MCM3AP: variants seen among roughly 807,000 people sequenced by gnomAD.
The protein encoded by MCM3AP is germinal-center associated nuclear protein.
In MCM3AP, 126 loss-of-function variants were observed where a neutral mutation model predicts 184.1. The observed-to-expected ratio is 0.68, with a 90% CI of 0.59 to 0.79. The LOEUF is 0.79. Ranked by LOEUF, MCM3AP falls within the 30% of genes least tolerant of loss-of-function variation. The probability of loss-of-function intolerance (pLI) is 0.00; values close to 1 mark genes in which losing one functional copy is unlikely to be tolerated. For missense variants in MCM3AP, 2,496 were observed against 2,479.2 expected, an observed-to-expected ratio of 1.01 and a Z score of -0.14; for synonymous variants, 1,002 against 979.3, an observed-to-expected ratio of 1.02 and a Z score of -0.43.
intron 13 of MCM3AP, among the ~76,000 whole-genome samples, chr21:46,263,125 C>T (rs770893591): frequency 4.0e-5 from 6 of 151,248 alleles, no homozygotes; most frequent in Admixed American, 6.6e-5. Context: ...GTCAGGAGAT[C>T]GAGACCATCC....
chr21:46,240,640 C>A (rs930649545), intron 26 of MCM3AP, among the ~76,000 whole-genome samples, 171 bp downstream of exon 26: 1 of 152,244 alleles, frequency 6.6e-6, no homozygotes, highest in African/African-American at 2.4e-5. Flanking sequence ...ATCTAGGGCA[C>A]TGCTTCTGTC....
intron 20 of MCM3AP, among the ~76,000 whole-genome samples, chr21:46,248,883 C>CA (rs17176807): frequency 0.051 from 7,729 of 152,002 alleles, 593 homozygotes; most frequent in African/African-American, 0.17. Flanking sequence ...ATAAGAAACT[C>CA]AGAGGATCAA....
chr21:46,259,191 C>G, intron 15 of MCM3AP, 100 bp from the exon 16 acceptor site: 4 of 1,247,180 alleles, frequency 3.2e-6, no homozygotes, highest in Admixed American at 2.3e-5. Context: ...CGCGGTGGCT[C>G]ACGCCTGTAA....
chr21:46,260,779 A>G lies in MCM3AP; in HGVS notation c.3581+14T>C. 6.3e-7 allele frequency: 1 copy of G among 1,580,678 alleles called. No homozygotes were observed. The highest frequency in any genetic ancestry group is 2.2e-5 in the East Asian group (1 of 44,720). On this transcript the variant is annotated intron_variant, in intron 15 of 27. Coordinates refer to ENST00000291688, the MANE Select transcript of MCM3AP (RefSeq NM_003906.5). The stretch of plus-strand genomic sequence containing the variant: ...CACTCTCCTGGCACAGCAAGACACC[A>G]GCGTTTCACTTACTTCAACTCCTGG...
intron 6 of MCM3AP, among the ~76,000 whole-genome samples, chr21:46,274,938 CAAAAAA>C (rs35282554): frequency 3.0e-4 from 29 of 97,034 alleles, no homozygotes; most frequent in Non-Finnish European, 5.1e-4. Flanking sequence ...GACCCTGTCT[CAAAAAA>C]AAAAAAAAAA....
At chr21:46,242,996 A>G in intron 24 of MCM3AP, 65 bp from the exon 25 acceptor site, 5 of 1,411,218 alleles carry the variant, frequency 3.5e-6, no homozygotes, top group South Asian at 2.8e-5. Context: ...AAAAAAAAAA[A>G]AAACACACAC....
At chr21:46,280,257 G>A in intron 3 of MCM3AP, 120 bp from the exon 4 acceptor site, 8 of 1,175,492 alleles carry the variant, frequency 6.8e-6, no homozygotes, top group Non-Finnish European at 9.9e-6. Context: ...TTAGAGAAGA[G>A]CCCAAGGAAA....
At chr21:46,281,960 T>G (rs1275820484) in intron 2 of MCM3AP, among the ~76,000 whole-genome samples, 3 of 151,998 alleles carry the variant, frequency 2.0e-5, no homozygotes, top group Non-Finnish European at 4.4e-5. Flanking sequence ...ATTGCGCCAC[T>G]ACAATACAGG....
At chr21:46,267,225 C>A in intron 9 of MCM3AP, 83 bp from the exon 10 acceptor site, 1 of 1,358,154 alleles carries the variant, frequency 7.4e-7, no homozygotes, top group Non-Finnish European at 1.0e-6. Flanking sequence ...ACAGCCATGG[C>A]CAGCGTGGGG....
At chr21:46,260,077 A>C (rs978988609) in intron 15 of MCM3AP, among the ~76,000 whole-genome samples, 5 of 146,200 alleles carry the variant, frequency 3.4e-5, no homozygotes, top group African/African-American at 1.2e-4. Context: ...CTCCGTCTTT[A>C]AAAAAAAAAA....
At position 46,265,970 on chromosome 21, in the gene MCM3AP, C is replaced by A; in HGVS notation, c.2986G>T (p.Ala996Ser). ...CTCTGGGTGCTGACGGGCAGCTCCG[C>A]GGCCAGGCTCTCCCCGATGTACTTG... Reference protein sequence around the residue: ...QNKYIGESLAAELPVSTQRPG... With the variant: ...QNKYIGESLASELPVSTQRPG... The change falls in exon 11 of 28, where the codon GCG becomes TCG. Residue 996 changes from alanine (A) to serine (S), a missense_variant. Coordinates refer to ENST00000291688, the MANE Select transcript of MCM3AP (RefSeq NM_003906.5). 6.2e-7 allele frequency: 1 copy of A among 1,601,490 alleles called. No homozygotes were observed. Among genetic ancestry groups the A allele is most frequent in the South Asian group, 1.1e-5 (1 of 87,664 alleles).
rs2080921176 is a variant in MCM3AP at position 46,254,665 on chromosome 21, G to A, written c.4001+111C>T. The A allele has an allele frequency of 7.1e-6, 10 of 1,415,378 alleles. No individual in the cohort carries two copies. In the Admixed American group the frequency reaches 1.6e-4, roughly 23 times the overall value. The allele number at this position is 1,415,378 out of a possible 1,614,324, so 87.7% of individuals were successfully genotyped here. A position where few individuals can be genotyped will look rare whatever the true frequency, so the allele number is the denominator to read the frequency against. On this transcript the variant is annotated intron_variant, in intron 18 of 27. Coordinates refer to ENST00000291688, the MANE Select transcript of MCM3AP (RefSeq NM_003906.5). ...GAACTGCAAACTAGAAACCAAGTCT[G>A]GAGCTCATCGAAGAGACCTCAGTTG... is the stretch of plus-strand genomic sequence containing the variant.
In MCM3AP at chr21:46,284,399, G is replaced by C; in HGVS notation, c.888C>G (p.Asp296Glu). The C allele has an allele frequency of 6.2e-7, 1 of 1,614,172 alleles. No individual in the cohort carries two copies. Among genetic ancestry groups the C allele is most frequent in the Non-Finnish European group, 8.5e-7 (1 of 1,180,046 alleles). ...SLMKGLKRKEDQDRSPRRHGH... is the reference protein window; with the variant it reads ...SLMKGLKRKEEQDRSPRRHGH... ...CATGTCTCCTTGGGGAGCGATCCTG[G>C]TCCTCCTTCCTTTTCAGTCCTTTCA... is the stretch of plus-strand genomic sequence containing the variant. Residue 296 changes from aspartate to glutamate, a missense_variant, in exon 1 of 28, where the codon GAC (aspartate) becomes GAG (glutamate). Physicochemically the swap from Asp to Glu is conservative, Grantham distance 45. Around this residue, in one of 5 missense-constraint regions of MCM3AP, gnomAD observed 800 missense variants for 717.1 expected, o/e 1.12. Transcript: ENST00000291688.
chr21:46,285,109 C>A lies in MCM3AP; in HGVS notation c.178G>T (p.Ala60Ser). 6.2e-7 allele frequency: 1 copy of A among 1,614,198 alleles called. No individual in the cohort carries two copies. The highest frequency in any genetic ancestry group is 8.5e-7 in the Non-Finnish European group (1 of 1,180,040). Reference sequence around the variant, plus strand: ...GAGGAATGACTTACTCCAGAAGACGCTGGAAAGCTGGATACCTGTGAAAAT... The same window carrying A: ...GAGGAATGACTTACTCCAGAAGACGATGGAAAGCTGGATACCTGTGAAAAT... ...SGFSQVSSFPASSGVSHSSSV... is the reference protein window; with the variant it reads ...SGFSQVSSFPSSSGVSHSSSV... Residue 60 changes from alanine (A) to serine (S), a missense_variant, in exon 1 of 28, where the codon GCG becomes TCG. By Grantham distance (99) the Ala-to-Ser change is moderately conservative (BLOSUM62 1). Coordinates refer to ENST00000291688, the MANE Select transcript of MCM3AP (RefSeq NM_003906.5).
chr21:46,265,218 TGA>T (rs2081093462), intron 12 of MCM3AP, 101 bp downstream of exon 12: 6 of 1,082,528 alleles, frequency 5.5e-6, no homozygotes, highest in Non-Finnish European at 8.1e-6. Context: ...TGGACTCTCC[TGA>T]GAGACCAGGC....
intron 4 of MCM3AP, among the ~76,000 whole-genome samples, chr21:46,278,619 T>C (rs574228567): frequency 2.6e-5 from 4 of 152,176 alleles, no homozygotes; most frequent in African/African-American, 7.2e-5. Flanking sequence ...CGACCGTGTC[T>C]GCTTCACTGT....
chr21:46,242,964 C>A, intron 24 of MCM3AP, 33 bp from the exon 25 acceptor site: 1 of 1,529,022 alleles, frequency 6.5e-7, no homozygotes, highest in South Asian at 1.2e-5. Flanking sequence ...GATAAAGAGG[C>A]CAGCCTGGCC....
At position 46,272,576 on chromosome 21, in the gene MCM3AP, T is replaced by A; in HGVS notation, c.2450A>T (p.Lys817Met). 6.2e-7 allele frequency: 1 copy of A among 1,613,946 alleles called. No individual in the cohort carries two copies. Among genetic ancestry groups the A allele is most frequent in the Non-Finnish European group, 8.5e-7 (1 of 1,179,900 alleles). Residue 817 changes from lysine (K) to methionine (M), a missense_variant, in exon 8 of 28, where the codon AAG becomes ATG. This residue lies in a region of MCM3AP where 105 missense variants were observed against 97.1 expected (regional missense o/e 1.08). Coordinates refer to ENST00000291688, the MANE Select transcript of MCM3AP (RefSeq NM_003906.5). ...QGYNVLLSLN[K>M]GDILREVQQF... ...GAAAATTCACCTTAGGATGTCTCCC[T>A]TGTTGAGACTGAGCAGAACATTGTA...
chr21:46,235,924 C>T (rs937155722), intron 27 of MCM3AP, among the ~76,000 whole-genome samples: 2 of 152,210 alleles, frequency 1.3e-5, no homozygotes, highest in African/African-American at 4.8e-5. Flanking sequence ...TGAGCCACCA[C>T]GCCCAGCCAG....
Sources: allele counts gnomAD v4.1 joint callset (sites outside exome capture counted in the v4.1 genomes callset), GRCh38; gene constraint gnomAD v4.1.1; regional missense constraint gnomAD v4.1.1; transcripts MANE v1.5; gene names NCBI Gene and HGNC (gene_info 2026-07-23, HGNC 2026-07-21).